Variants in EMID1 observed in about 807,000 individuals in gnomAD.
EMID1 encodes the protein EMI domain-containing protein 1.
A neutral mutation model predicts 60.6 loss-of-function variants in EMID1; 40 were observed. The ratio of observed to expected loss-of-function variants is 0.66; its 90% CI spans 0.51 to 0.86. The LOEUF (loss-of-function observed/expected upper bound fraction) is 0.86. Ranked by LOEUF, EMID1 falls within the 40% of genes least tolerant of loss-of-function variation. The pLI is 0.00. For synonymous variants in EMID1, 242 were observed against 231.0 expected (o/e 1.05, Z -0.43); for missense variants, 585 against 597.1 (o/e 0.98, Z 0.21).
intron 13 of EMID1, among the ~76,000 whole-genome samples, chr22:29,245,714 A>T (rs888182294): frequency 1.3e-5 from 2 of 152,188 alleles, no homozygotes; most frequent in African/African-American, 4.8e-5. Flanking sequence ...CCCAGCAGTG[A>T]CACCTGGTGG....
chr22:29,220,293 A>G (rs2146194406), intron 3 of EMID1, among the ~76,000 whole-genome samples: 1 of 152,304 alleles, frequency 6.6e-6, no homozygotes, highest in Non-Finnish European at 1.5e-5. Flanking sequence ...GGCACGGGCC[A>G]TGTATAAAGT....
intron 10 of EMID1, 190 bp from the exon 11 acceptor site, chr22:29,233,947 G>A (rs2040846151): frequency 1.4e-6 from 1 of 691,310 alleles, no homozygotes; most frequent in South Asian, 1.9e-5. Context: ...GCTGTGGTGG[G>A]ACTGTCTGAC....
chr22:29,233,240 G>C (rs145549467), intron 8 of EMID1, 139 bp from the exon 9 acceptor site: 1 of 824,950 alleles, frequency 1.2e-6, no homozygotes, highest in African/African-American at 1.7e-5. Context: ...CCTCACCCTG[G>C]AGCAGGTGCC....
Position 29,243,467 on chromosome 22 carries a change from A to T in EMID1, c.1097A>T (p.Asp366Val). 1 of 1,612,838 alleles carries T rather than the reference A, an allele frequency of 6.2e-7. No homozygotes were observed. The highest frequency in any genetic ancestry group is 8.5e-7 in the Non-Finnish European group (1 of 1,179,756). Reference protein sequence around the residue: ...GQRGEPGPKGDPGEKSHWGEG... With the variant: ...GQRGEPGPKGVPGEKSHWGEG... ...CAGGGGGAACCTGGCCCTAAGGGAGACCCTGGTGAGAAGAGCCACTGGGTA... is the reference window on the plus strand; with the variant it reads ...CAGGGGGAACCTGGCCCTAAGGGAGTCCCTGGTGAGAAGAGCCACTGGGTA... Residue 366 changes from aspartate (D) to valine (V), a missense_variant, in exon 13 of 15, where the codon GAC becomes GTC. Asp to Val is a radical substitution (Grantham distance 152). Transcript: ENST00000334018.
rs185150265 is a variant in EMID1, at chr22:29,216,714, C to T, written c.319+1084C>T. ...GTTCACAGATAGGGTGACTGAGGCC[C>T]AGTGAGGTGGAGTGGAGTGCCCAGA... On this transcript the variant is annotated intron_variant, in intron 3 of 14. Coordinates refer to ENST00000334018, the MANE Select transcript of EMID1 (RefSeq NM_133455.4). 767 of 959,274 alleles carry T rather than the reference C, an allele frequency of 8.0e-4. 4 individuals are homozygous for T. In the African/African-American group the frequency reaches 8.2e-3, roughly 10 times the overall value. 59.4% of individuals were successfully genotyped at this position (959,274 alleles called of 1,614,324 possible).
chr22:29,210,877 G>A (rs132375), intron 1 of EMID1, among the ~76,000 whole-genome samples: 84,877 of 151,902 alleles, frequency 0.56, 27,326 homozygotes, highest in Admixed American at 0.71. Flanking sequence ...GGCTCTGTGC[G>A]TGCCTGTATA....
Position 29,234,311 on chromosome 22 carries a change from C to T in EMID1, c.1036C>T (p.Arg346Cys), listed in dbSNP as rs201463222. Residue 346 changes from arginine to cysteine, a missense_variant, in exon 12 of 15, where the codon CGT becomes TGT. Arg to Cys is a radical substitution (Grantham distance 180). Transcript: ENST00000334018. ...TCTCCTCCCTCTTACACAGGGACTG[C>T]GTGGGGAGCCTGGCCCCCAAGGCTC... is the stretch of plus-strand genomic sequence containing the variant. The part of the protein sequence containing the change: ...HPGEKGERGL[R>C]GEPGPQGSAG... The T allele has an allele frequency of 1.6e-5, 26 of 1,613,946 alleles. No individual in the cohort carries two copies. The highest frequency in any genetic ancestry group is 9.3e-5 in the African/African-American group (7 of 74,930).
At position 29,249,179 on chromosome 22, in the gene EMID1, C is replaced by T. The variant is rs1403281806; in HGVS notation, c.1120-5024C>T. Among the ~76,000 whole-genome samples, 3 of 152,166 alleles carry T rather than the reference C, an allele frequency of 2.0e-5. No homozygotes were observed. The South Asian group carries it at 6.2e-4, about 32-fold the overall frequency. On this transcript the variant is annotated intron_variant, in intron 13 of 14. Transcript: ENST00000334018. ...CTAACATTTATTTAGCAAAATGATG[C>T]CATTAAATATGTGACTTACCTGTAA... is the stretch of plus-strand genomic sequence containing the variant.
intron 5 of EMID1, among the ~76,000 whole-genome samples, chr22:29,228,471 C>T (rs990779217): frequency 6.6e-6 from 1 of 152,192 alleles, no homozygotes; most frequent in Non-Finnish European, 1.5e-5. Context: ...ATGCAACTGT[C>T]GACACTTAAG....
intron 1 of EMID1, among the ~76,000 whole-genome samples, chr22:29,213,579 G>A (rs951721612): frequency 2.6e-5 from 4 of 152,072 alleles, no homozygotes; most frequent in African/African-American, 4.8e-5. Context: ...GGGCTGCAGC[G>A]AGTGGGGGCT....
At chr22:29,207,523 G>A (rs996641639) in intron 1 of EMID1, among the ~76,000 whole-genome samples, 3 of 152,226 alleles carry the variant, frequency 2.0e-5, no homozygotes, top group Non-Finnish European at 4.4e-5. Context: ...GGCTCAGGAT[G>A]ATGGTGGCGA....
intron 13 of EMID1, 153 bp from the exon 14 acceptor site, chr22:29,254,050 T>G (rs2041618257): frequency 1.0e-5 from 10 of 985,330 alleles, no homozygotes; most frequent in Admixed American, 6.1e-5. Context: ...TGTCCTCACC[T>G]GGTCTTGTTC....
intron 8 of EMID1, 166 bp downstream of exon 8, chr22:29,232,568 T>A: frequency 1.4e-6 from 1 of 724,306 alleles, no homozygotes; most frequent in Non-Finnish European, 2.2e-6. Context: ...TGGTTACAGG[T>A]GAGGAACACT....
chr22:29,232,108 C>A, intron 7 of EMID1, 148 bp from the exon 8 acceptor site: 1 of 818,542 alleles, frequency 1.2e-6, no homozygotes, highest in Non-Finnish European at 2.0e-6. Context: ...TGCTCATCCC[C>A]CTGTTAGACT....
chr22:29,228,407 A>G (rs2040608951), intron 5 of EMID1, among the ~76,000 whole-genome samples: 1 of 152,220 alleles, frequency 6.6e-6, no homozygotes, highest in Non-Finnish European at 1.5e-5. Context: ...AAATTCAGAA[A>G]TGTGAAAAAA....
intron 2 of EMID1, 37 bp downstream of exon 2, chr22:29,215,076 G>A: frequency 6.6e-7 from 1 of 1,504,274 alleles, no homozygotes; most frequent in Non-Finnish European, 9.0e-7. Context: ...GGCATTCCAG[G>A]TGGAGGCACA....
In EMID1 at chr22:29,231,626, C is replaced by A. The variant is rs2040752521; in HGVS notation, c.620C>A (p.Thr207Asn). ...GGTGCTTGGGGGCTTCCCGGGCCCA[C>A]CGGCCCCAAGGGAGATGCCGGCAGT... ...QVGAWGLPGP[T>N]GPKGDAGSRG... The change falls in exon 7 of 15, where the codon ACC becomes AAC. Residue 207 changes from threonine (T) to asparagine (N), a missense_variant. Transcript: ENST00000334018. The A allele has an allele frequency of 6.6e-7, 1 of 1,514,948 alleles. No homozygotes were observed. Among genetic ancestry groups the A allele is most frequent in the Non-Finnish European group, 8.9e-7 (1 of 1,127,994 alleles). 93.8% of individuals were successfully genotyped at this position (1,514,948 alleles called of 1,614,324 possible).
At chr22:29,241,838 T>C (rs972018692) in intron 12 of EMID1, among the ~76,000 whole-genome samples, 9 of 152,154 alleles carry the variant, frequency 5.9e-5, no homozygotes, top group South Asian at 2.1e-4. Flanking sequence ...TGGAACTCCA[T>C]TGATTTTCTC....
rs948371812 is a variant in EMID1 at position 29,223,549 on chromosome 22, C to T, written c.320-1584C>T. Reference sequence around the variant, plus strand: ...GAGCCTCCCTGCCAGGTGCCCCCCACCTCCACCAACCAAAAAAAGAAATCT... The same window carrying T: ...GAGCCTCCCTGCCAGGTGCCCCCCATCTCCACCAACCAAAAAAAGAAATCT... On this transcript the variant is annotated intron_variant, in intron 3 of 14. Transcript: ENST00000334018. Among the ~76,000 whole-genome samples the T allele has an allele frequency of 5.9e-5, 9 of 152,242 alleles. No individual in the cohort carries two copies. The South Asian group carries it at 1.9e-3, about 31-fold the overall frequency.
Sources: allele counts gnomAD v4.1 joint callset (sites outside exome capture counted in the v4.1 genomes callset), GRCh38; gene constraint gnomAD v4.1.1; transcripts MANE v1.5; gene names NCBI Gene and HGNC (gene_info 2026-07-23, HGNC 2026-07-21).